PHGDH: variants seen among roughly 807,000 people sequenced by gnomAD.
PHGDH encodes the protein D-3-phosphoglycerate dehydrogenase.
A neutral mutation model predicts 52.6 loss-of-function variants in PHGDH; 50 were observed. The ratio of observed to expected loss-of-function variants is 0.95; its 90% CI spans 0.76 to 1.20. The LOEUF is 1.20. Among genes scored for constraint, PHGDH ranks in the 50% most tolerant of loss-of-function variants. PHGDH has a pLI of 0.00. For missense variants in PHGDH, 630 were observed against 684.6 expected, an observed-to-expected ratio of 0.92 and a Z score of 0.89; for synonymous variants, 271 against 280.5, an observed-to-expected ratio of 0.97 and a Z score of 0.34.
chr1:119,730,988 C>G (rs1651665239), intron 5 of PHGDH, among the ~76,000 whole-genome samples: 1 of 152,178 alleles, frequency 6.6e-6, no homozygotes, highest in African/African-American at 2.4e-5. Context: ...GTTGGGCACC[C>G]TCACAGGAAA....
In PHGDH at chr1:119,743,758, A is replaced by T. The variant is rs17024170; in HGVS notation, c.1448-128A>T. 9.6e-3 allele frequency: 7,645 copies of T among 794,358 alleles called. 172 individuals are homozygous for T. The highest frequency in any genetic ancestry group is 0.045 in the Admixed American group (2,615 of 58,654). The allele number at this position is 794,358 out of a possible 1,614,324, so 49.2% of individuals were successfully genotyped here. A position where few individuals can be genotyped will look rare whatever the true frequency, so the allele number is the denominator to read the frequency against. On this transcript the variant is annotated intron_variant, in intron 11 of 11. Transcript: ENST00000641023. ...GTTGCTCTCCCATCTCAGCTCTTTG[A>T]TTCTGAGACCATCATCCGCTCATTG...
chr1:119,723,623 A>G (rs1266774170), intron 3 of PHGDH, among the ~76,000 whole-genome samples, 182 bp downstream of exon 3: 1 of 151,992 alleles, frequency 6.6e-6, no homozygotes, highest in Non-Finnish European at 1.5e-5. Flanking sequence ...TTCAACATTC[A>G]TTACACAGGT....
chr1:119,734,898 C>T, intron 6 of PHGDH, 132 bp downstream of exon 6: 2 of 1,037,150 alleles, frequency 1.9e-6, no homozygotes, highest in Non-Finnish European at 3.0e-6. Flanking sequence ...CCTGCAGAGG[C>T]TGGTGTTTTG....
rs1439211458 is a variant in PHGDH at position 119,742,978 on chromosome 1, A to G, written c.1381A>G (p.Arg461Gly). ...CTTCAGGCCAGAAGTGCCTCTCCGC[A>G]GGGACCTGCCCCTGCTCCTATTCCG... Reference protein sequence around the residue: ...AVFRPEVPLRRDLPLLLFRTQ... With the variant: ...AVFRPEVPLRGDLPLLLFRTQ... Residue 461 changes from arginine (R) to glycine (G), a missense_variant, in exon 11 of 12, where the codon AGG becomes GGG. Arg to Gly is a moderately radical substitution (Grantham distance 125). Coordinates refer to ENST00000641023, the MANE Select transcript of PHGDH (RefSeq NM_006623.4). 1 of 1,614,078 alleles carries G rather than the reference A, an allele frequency of 6.2e-7. No homozygotes were observed. The highest frequency in any genetic ancestry group is 8.5e-7 in the Non-Finnish European group (1 of 1,180,002).
chr1:119,743,053 G>A lies in PHGDH; in HGVS notation c.1447+9G>A, dbSNP rs200578872. 3.2e-6 allele frequency: 5 copies of A among 1,546,684 alleles called. No individual in the cohort carries two copies. In the East Asian group the frequency reaches 1.1e-4, roughly 35 times the overall value. On this transcript the variant is annotated intron_variant, in intron 11 of 11. Coordinates refer to ENST00000641023, the MANE Select transcript of PHGDH (RefSeq NM_006623.4). Reference sequence around the variant, plus strand: ...GCTGCCTACCATGATTGGTGAGGAGGGCCCTGTAGGGCTGGCTGGTGTCCT... The same window carrying A: ...GCTGCCTACCATGATTGGTGAGGAGAGCCCTGTAGGGCTGGCTGGTGTCCT...
chr1:119,722,425 TAAGAA>T (rs1159130550), intron 2 of PHGDH, among the ~76,000 whole-genome samples: 1 of 152,180 alleles, frequency 6.6e-6, no homozygotes, highest in Non-Finnish European at 1.5e-5. Flanking sequence ...AAAAAGCATT[TAAGAA>T]AAGAAAAATA....
intron 7 of PHGDH, among the ~76,000 whole-genome samples, chr1:119,736,693 G>C (rs185803107): frequency 1.2e-3 from 176 of 152,322 alleles, no homozygotes; most frequent in Non-Finnish European, 2.0e-3. Flanking sequence ...ATGGATGCAG[G>C]GGGGTGAGTT....
At position 119,721,290 on chromosome 1, in the gene PHGDH, G is replaced by A. The variant is rs766064205; in HGVS notation, c.259G>A (p.Ala87Thr). 3 of 1,614,130 alleles carry A rather than the reference G, an allele frequency of 1.9e-6. No individual in the cohort carries two copies. The highest frequency in any genetic ancestry group is 2.5e-6 in the Non-Finnish European group (3 of 1,180,016). ...AGGTGTGGACAATGTGGATCTGGAGGCCGCAACAAGGAAGGGCATCTTGGT... is the reference window on the plus strand; with the variant it reads ...AGGTGTGGACAATGTGGATCTGGAGACCGCAACAAGGAAGGGCATCTTGGT... ...GTGVDNVDLE[A>T]ATRKGILVMN... Residue 87 changes from alanine to threonine, a missense_variant, in exon 2 of 12, where the codon GCC (alanine) becomes ACC (threonine). Transcript: ENST00000641023.
chr1:119,723,224 C>G, intron 2 of PHGDH, 152 bp from the exon 3 acceptor site: 3 of 713,828 alleles, frequency 4.2e-6, no homozygotes, highest in Non-Finnish European at 7.7e-6. Flanking sequence ...TGGCTTAGGG[C>G]GAGAGTACAT....
intron 10 of PHGDH, chr1:119,742,595 CT>C: frequency 1.6e-6 from 1 of 611,712 alleles, no homozygotes; most frequent in Non-Finnish European, 2.9e-6. Flanking sequence ...TCTCTTTGCC[CT>C]CCCTTTAAGG....
chr1:119,726,011 C>A (rs1398810530), intron 3 of PHGDH, among the ~76,000 whole-genome samples: 1 of 152,028 alleles, frequency 6.6e-6, no homozygotes, highest in Non-Finnish European at 1.5e-5. Flanking sequence ...TTTCTCAAAT[C>A]TTCCTTTTTT....
chr1:119,729,618 ATGAT>A (rs1372843626), intron 5 of PHGDH: 1 of 152,138 alleles, frequency 6.6e-6, no homozygotes, highest in Non-Finnish European at 1.5e-5. Flanking sequence ...TCATTCCTGA[ATGAT>A]TGAGGTGCTA....
intron 8 of PHGDH, among the ~76,000 whole-genome samples, chr1:119,738,466 A>C (rs1443322876): frequency 1.3e-5 from 2 of 152,198 alleles, no homozygotes; most frequent in Non-Finnish European, 2.9e-5. Context: ...ACCTGTCTGC[A>C]TCCTCTGTCC....
Position 119,743,044 on chromosome 1 carries a change from G to C in PHGDH, c.1447G>C (p.Gly483Arg), listed in dbSNP as rs781014259. Residue 483 changes from glycine (G) to arginine (R), a missense_variant and splice_region_variant, in exon 11 of 12, where the codon GGC becomes CGC. Gly to Arg is a moderately radical substitution (Grantham distance 125). Transcript: ENST00000641023. ...CCCTGCAATGCTGCCTACCATGATT[G>C]GTGAGGAGGGCCCTGTAGGGCTGGC... ...SDPAMLPTMI[G>R]LLAEAGVRLL... The C allele has an allele frequency of 1.9e-6, 3 of 1,591,330 alleles. No homozygotes were observed. Among genetic ancestry groups the C allele is most frequent in the Non-Finnish European group, 2.6e-6 (3 of 1,159,140 alleles).
intron 1 of PHGDH, among the ~76,000 whole-genome samples, chr1:119,716,290 C>G (rs187536479): frequency 6.6e-6 from 1 of 152,100 alleles, no homozygotes; most frequent in Non-Finnish European, 1.5e-5. Context: ...CTTAGTTTCC[C>G]TGGCACCAAA....
intron 5 of PHGDH, among the ~76,000 whole-genome samples, chr1:119,731,696 TA>T (rs1258930132): frequency 2.6e-5 from 4 of 152,368 alleles, no homozygotes; most frequent in Middle Eastern, 3.4e-3. Context: ...ATGCTGAAGA[TA>T]ATGCAACTAT....
At chr1:119,742,742 CAA>C in intron 10 of PHGDH, 63 bp from the exon 11 acceptor site, 1 of 997,376 alleles carries the variant, frequency 1.0e-6, no homozygotes, top group South Asian at 1.4e-5. Context: ...GTGATTTGGC[CAA>C]GAGAGGAGGG....
rs2101154843 is a variant in PHGDH at position 119,721,218 on chromosome 1, G to A, written c.187G>A (p.Val63Ile). The part of the protein sequence containing the change: ...VRSATKVTAD[V>I]INAAEKLQVV... ...CTCTGCCACCAAGGTGACCGCTGAT[G>A]TCATCAACGCAGCTGAGAAACTCCA... The change falls in exon 2 of 12, where the codon GTC becomes ATC. Residue 63 changes from valine (V) to isoleucine (I), a missense_variant. By Grantham distance (29) the Val-to-Ile change is conservative. Coordinates refer to ENST00000641023, the MANE Select transcript of PHGDH (RefSeq NM_006623.4). The A allele has an allele frequency of 6.2e-7, 1 of 1,614,210 alleles. No individual in the cohort carries two copies. Among genetic ancestry groups the A allele is most frequent in the Non-Finnish European group, 8.5e-7 (1 of 1,180,034 alleles).
chr1:119,713,343 A>T (rs2101139030), intron 1 of PHGDH: 1 of 152,514 alleles, frequency 6.6e-6, no homozygotes, highest in East Asian at 1.9e-4. Flanking sequence ...TGCCTCGCTC[A>T]CTTTGTCTGC....
Sources: gnomAD v4.1 joint callset for allele counts (sites outside exome capture counted in the v4.1 genomes callset) on GRCh38, gnomAD v4.1.1 for gene constraint, MANE v1.5 for transcripts, NCBI Gene and HGNC (gene_info 2026-07-23, HGNC 2026-07-21) for gene names.